Variants in STK3 observed in about 807,000 individuals in gnomAD.
STK3 encodes serine/threonine kinase 3, also known as serine/threonine-protein kinase 3.
A neutral mutation model predicts 58.0 loss-of-function variants in STK3; 41 were observed. The observed-to-expected ratio is 0.71, with a 90% CI of 0.55 to 0.92. The LOEUF is 0.92. Ranked by LOEUF, STK3 falls within the 40% of genes least tolerant of loss-of-function variation. The pLI is 0.00. For missense variants in STK3, 479 were observed against 602.7 expected, an observed-to-expected ratio of 0.79 and a Z score of 2.15; for synonymous variants, 170 against 191.0, an observed-to-expected ratio of 0.89 and a Z score of 0.91.
intron 1 of STK3, among the ~76,000 whole-genome samples, chr8:98,788,605 C>A (rs1241934194): frequency 6.6e-6 from 1 of 151,962 alleles, no homozygotes; most frequent in Non-Finnish European, 1.5e-5. Flanking sequence ...CAAATGGACA[C>A]CAAAAGCGAG....
intron 4 of STK3, among the ~76,000 whole-genome samples, chr8:98,708,491 T>C (rs1826136614): frequency 6.6e-6 from 1 of 151,306 alleles, no homozygotes; most frequent in South Asian, 2.1e-4. Context: ...CAGAGAAAGA[T>C]TAGGAAAATG....
In STK3 at chr8:98,472,192, T is replaced by G. The variant is rs187329469; in HGVS notation, c.1318-16192A>C. Among the ~76,000 whole-genome samples, 4 of 152,312 alleles carry G rather than the reference T, an allele frequency of 2.6e-5. No homozygotes were observed. The East Asian group carries it at 7.7e-4, about 29-fold the overall frequency. On this transcript the variant is annotated intron_variant, in intron 10 of 10. Coordinates refer to ENST00000419617, the MANE Select transcript of STK3 (RefSeq NM_006281.4). Reference sequence around the variant, plus strand: ...AGGATTTGAATCCAAGGGAACTGAATTTTGGAGCTGGCACTCTTAAACACT... The same window carrying G: ...AGGATTTGAATCCAAGGGAACTGAAGTTTGGAGCTGGCACTCTTAAACACT...
chr8:98,417,400 G>C (rs1433329672), intron 3 of STK3, among the ~76,000 whole-genome samples: 2 of 152,136 alleles, frequency 1.3e-5, no homozygotes, highest in African/African-American at 4.8e-5. Flanking sequence ...TGTAATCCCA[G>C]GTACTCAGGA....
At chr8:98,552,563 A>C (rs1202418757) in intron 8 of STK3, among the ~76,000 whole-genome samples, 1 of 152,094 alleles carries the variant, frequency 6.6e-6, no homozygotes. Flanking sequence ...TCAGACTGGA[A>C]TGCTCATCCA....
intron 9 of STK3, among the ~76,000 whole-genome samples, chr8:98,527,787 C>G (rs1825861856): frequency 6.6e-6 from 1 of 152,154 alleles, no homozygotes; most frequent in Non-Finnish European, 1.5e-5. Context: ...ACATCCATGT[C>G]TCCCAACACT....
At chr8:98,895,663 A>G (rs1178814224) in intron 1 of STK3, among the ~76,000 whole-genome samples, 1 of 152,214 alleles carries the variant, frequency 6.6e-6, no homozygotes, top group Non-Finnish European at 1.5e-5. Context: ...ATGAGCCTCA[A>G]GATGAACCGA....
chr8:98,915,783 C>T (rs1839325877), intron 1 of STK3, among the ~76,000 whole-genome samples: 1 of 151,998 alleles, frequency 6.6e-6, no homozygotes, highest in Non-Finnish European at 1.5e-5. Context: ...ATCCTCCGCC[C>T]CTCCACACAC....
intron 2 of STK3, among the ~76,000 whole-genome samples, chr8:98,772,434 C>T (rs886876528): frequency 2.0e-5 from 3 of 152,068 alleles, no homozygotes; most frequent in African/African-American, 2.4e-5. Flanking sequence ...TGCAGTGGCT[C>T]GTGCCTGTCA....
chr8:98,912,707 G>A (rs993779383), intron 1 of STK3, among the ~76,000 whole-genome samples: 3 of 152,190 alleles, frequency 2.0e-5, no homozygotes, highest in Admixed American at 2.0e-4. Flanking sequence ...GGTAAAGAGA[G>A]ACCAGGGATG....
chr8:98,868,460 G>A (rs1053152891), intron 3 of STK3, among the ~76,000 whole-genome samples: 6 of 152,160 alleles, frequency 3.9e-5, no homozygotes, highest in South Asian at 2.1e-4. Context: ...CCCCAGCCCC[G>A]CTGGAGCCAC....
intron 1 of STK3, among the ~76,000 whole-genome samples, chr8:98,798,820 C>T (rs751921863): frequency 1.3e-5 from 2 of 152,120 alleles, no homozygotes; most frequent in Admixed American, 6.5e-5. Context: ...AAAAATCAGG[C>T]CTTTAAGAGG....
At chr8:98,864,783 A>G (rs536351566) in intron 3 of STK3, among the ~76,000 whole-genome samples, 1 of 152,352 alleles carries the variant, frequency 6.6e-6, no homozygotes, top group East Asian at 1.9e-4. Context: ...CACTCTGAAC[A>G]TAAGGGCCCA....
At chr8:98,845,259 A>G (rs1429233363) in intron 3 of STK3, among the ~76,000 whole-genome samples, 1 of 152,054 alleles carries the variant, frequency 6.6e-6, no homozygotes, top group East Asian at 1.9e-4. Context: ...ATATTTATCA[A>G]TTTTATGTCT....
At chr8:98,604,716 A>G (rs1163876235) in intron 6 of STK3, among the ~76,000 whole-genome samples, 2 of 152,156 alleles carry the variant, frequency 1.3e-5, no homozygotes, top group African/African-American at 4.8e-5. Context: ...TGCACCCTCA[A>G]ATAAGTTTTT....
At chr8:98,769,587 A>C (rs529147689) in intron 2 of STK3, among the ~76,000 whole-genome samples, 17 of 152,356 alleles carry the variant, frequency 1.1e-4, no homozygotes, top group Middle Eastern at 3.4e-3. Context: ...GTGTGAAAAC[A>C]GACTAATACA....
chr8:98,453,878 T>C (rs1296371131), downstream of STK3, among the ~76,000 whole-genome samples: 2 of 151,964 alleles, frequency 1.3e-5, no homozygotes, highest in Non-Finnish European at 2.9e-5. Flanking sequence ...GAAAAATAAT[T>C]AGGAAAAGAA....
chr8:98,469,053 G>A (rs1214826185), intron 10 of STK3, among the ~76,000 whole-genome samples: 1 of 151,860 alleles, frequency 6.6e-6, no homozygotes, highest in Non-Finnish European at 1.5e-5. Flanking sequence ...GGGTTGCAGT[G>A]AGCTAGGATC....
intron 3 of STK3, among the ~76,000 whole-genome samples, chr8:98,861,497 G>A (rs528514630): frequency 2.0e-5 from 3 of 151,870 alleles, no homozygotes; most frequent in East Asian, 3.9e-4. Context: ...ACAGGCGCAC[G>A]CCACCATGCC....
intron 3 of STK3, among the ~76,000 whole-genome samples, chr8:98,860,820 C>T (rs924731406): frequency 2.6e-5 from 4 of 152,104 alleles, no homozygotes; most frequent in African/African-American, 4.8e-5. Context: ...TTTAGGAGGC[C>T]GAGGTGGGCA....
Sources: allele counts gnomAD v4.1 joint callset (sites outside exome capture counted in the v4.1 genomes callset), GRCh38; gene constraint gnomAD v4.1.1; transcripts MANE v1.5; gene names NCBI Gene and HGNC (gene_info 2026-07-23, HGNC 2026-07-21).